Variants in ZNF804B observed in about 807,000 individuals in gnomAD.
ZNF804B encodes the protein zinc finger protein 804B, also known as zinc finger 804B.
In ZNF804B, 80 loss-of-function variants were observed where a neutral mutation model predicts 101.4. That is an observed-to-expected ratio of 0.79 (90% CI 0.66 to 0.95). The LOEUF (loss-of-function observed/expected upper bound fraction) is 0.95. Among genes scored for constraint, ZNF804B ranks in the 40% least tolerant of loss-of-function variants. The probability of loss-of-function intolerance (pLI) is 0.00; values close to 1 mark genes in which losing one functional copy is unlikely to be tolerated. For synonymous variants in ZNF804B, 622 were observed against 558.8 expected, an observed-to-expected ratio of 1.11 and a Z score of -1.59; for missense variants, 1,673 against 1,561.9, an observed-to-expected ratio of 1.07 and a Z score of -1.20.
At chr7:88,910,269 A>G (rs1019642222) in intron 1 of ZNF804B, among the ~76,000 whole-genome samples, 3 of 151,940 alleles carry the variant, frequency 2.0e-5, no homozygotes, top group Non-Finnish European at 4.4e-5. Context: ...TGTTTCTGAG[A>G]GTAATTTCAG....
intron 1 of ZNF804B, among the ~76,000 whole-genome samples, chr7:88,981,679 T>C (rs1209904478): frequency 2.0e-5 from 3 of 152,010 alleles, no homozygotes; most frequent in Admixed American, 6.6e-5. Context: ...GGGTGGATGA[T>C]TCCCCTCTGG....
intron 1 of ZNF804B, among the ~76,000 whole-genome samples, chr7:88,919,450 G>A (rs867726894): frequency 6.6e-6 from 1 of 152,022 alleles, no homozygotes; most frequent in Non-Finnish European, 1.5e-5. Context: ...ACATTGAGAG[G>A]GACAGTCTTT....
chr7:89,279,289 G>A (rs537203420), intron 2 of ZNF804B, among the ~76,000 whole-genome samples: 8 of 152,054 alleles, frequency 5.3e-5, no homozygotes, highest in East Asian at 1.9e-4. Flanking sequence ...CAATCATGTT[G>A]TCTGCAAACA....
chr7:89,112,720 T>A (rs1023557020), intron 1 of ZNF804B, among the ~76,000 whole-genome samples: 14 of 139,708 alleles, frequency 1.0e-4, no homozygotes, highest in Admixed American at 9.8e-4. Context: ...AGAATTGACA[T>A]CTTAATAATA....
rs150451306 is a variant in ZNF804B at position 89,305,526 on chromosome 7, TTTG to T, written c.250-21800_250-21798del. Among the ~76,000 whole-genome samples, 1,150 of 151,890 alleles carry T rather than the reference TTTG, an allele frequency of 7.6e-3. 9 individuals are homozygous for T. The highest frequency in any genetic ancestry group is 0.026 in the African/African-American group (1,082 of 41,508). ...AATTAGGTGTTCTTCCTCAACATAG[TTTG>T]TTGTTGTTGTTGTTGTTTGTAGCAT... is the stretch of plus-strand genomic sequence containing the variant. On this transcript the variant is annotated intron_variant, in intron 2 of 3. Coordinates refer to ENST00000333190, the MANE Select transcript of ZNF804B (RefSeq NM_181646.5).
intron 1 of ZNF804B, among the ~76,000 whole-genome samples, chr7:89,126,789 T>G (rs555845998): frequency 6.6e-6 from 1 of 151,904 alleles, no homozygotes; most frequent in South Asian, 2.1e-4. Flanking sequence ...AATTATACAC[T>G]GTGTGATCCA....
At chr7:89,239,507 A>G (rs895307054) in intron 2 of ZNF804B, among the ~76,000 whole-genome samples, 4 of 152,158 alleles carry the variant, frequency 2.6e-5, no homozygotes, top group Admixed American at 6.6e-5. Context: ...CCAGCTATTT[A>G]GAATACCTTA....
Position 89,336,196 on chromosome 7 carries a change from G to T in ZNF804B, c.3214G>T (p.Glu1072Ter). 6.2e-7 allele frequency: 1 copy of T among 1,613,854 alleles called. No homozygotes were observed. Among genetic ancestry groups the T allele is most frequent in the South Asian group, 1.1e-5 (1 of 91,070 alleles). The part of the protein sequence containing the change: ...FIQSCDPVPN[E>*]FPGAFPSNKY... ...TCAAAGCTGTGACCCAGTACCAAAT[G>T]AATTCCCTGGTGCTTTTCCGTCTAA... The change falls in exon 4 of 4, where the codon GAA becomes TAA. Residue 1072 changes from glutamate to a stop codon, truncating the protein, a stop_gained. Transcript: ENST00000333190. LOFTEE classifies it high-confidence loss of function.
chr7:88,778,521 T>G (rs1213853412), intron 1 of ZNF804B, among the ~76,000 whole-genome samples: 1 of 152,232 alleles, frequency 6.6e-6, no homozygotes, highest in Non-Finnish European at 1.5e-5. Context: ...GCTATTGTTT[T>G]CCTTAGAAAT....
At chr7:89,171,282 G>GCTTCTTCTT (rs1491140157) in intron 1 of ZNF804B, among the ~76,000 whole-genome samples, 13 of 95,558 alleles carry the variant, frequency 1.4e-4, no homozygotes, top group African/African-American at 4.1e-4. Flanking sequence ...AAATAATGCT[G>GCTTCTTCTT]CTGCTGCTTC....
intron 1 of ZNF804B, among the ~76,000 whole-genome samples, chr7:89,207,187 C>A (rs1788726632): frequency 6.6e-6 from 1 of 152,162 alleles, no homozygotes; most frequent in African/African-American, 2.4e-5. Context: ...ACAGCAGCAC[C>A]CCACTCTACT....
chr7:88,982,710 G>A (rs555529906), intron 1 of ZNF804B, among the ~76,000 whole-genome samples: 10 of 152,062 alleles, frequency 6.6e-5, no homozygotes, highest in Non-Finnish European at 1.3e-4. Flanking sequence ...CTGAGGTACT[G>A]AGGATTAAGA....
intron 1 of ZNF804B, among the ~76,000 whole-genome samples, chr7:88,907,126 C>T (rs1395602662): frequency 1.3e-5 from 2 of 151,864 alleles, no homozygotes; most frequent in Non-Finnish European, 2.9e-5. Flanking sequence ...TGGTTTTACC[C>T]ATATATTTCA....
chr7:88,962,515 G>A (rs928112992), intron 1 of ZNF804B, among the ~76,000 whole-genome samples: 1 of 150,588 alleles, frequency 6.6e-6, no homozygotes, highest in Non-Finnish European at 1.5e-5. Context: ...AGGTGGCTGC[G>A]AATCGATAAT....
At chr7:89,228,918 G>C (rs1228367105) in intron 2 of ZNF804B, among the ~76,000 whole-genome samples, 14 of 152,196 alleles carry the variant, frequency 9.2e-5, no homozygotes, top group Non-Finnish European at 1.6e-4. Flanking sequence ...CTGCCCCGCG[G>C]GAAGGCAGCT....
chr7:89,292,869 C>G (rs12056274), intron 2 of ZNF804B, among the ~76,000 whole-genome samples: 1 of 151,686 alleles, frequency 6.6e-6, no homozygotes, highest in East Asian at 1.9e-4. Flanking sequence ...GAAATAGCAT[C>G]AAAAAACCTA....
intron 1 of ZNF804B, among the ~76,000 whole-genome samples, chr7:88,819,188 A>G (rs1345784200): frequency 6.6e-6 from 1 of 152,056 alleles, no homozygotes; most frequent in Non-Finnish European, 1.5e-5. Flanking sequence ...CAGTGGCGCG[A>G]TCGTGGCTCA....
At chr7:89,066,612 CTT>C (rs1169491139) in intron 1 of ZNF804B, among the ~76,000 whole-genome samples, 10 of 152,030 alleles carry the variant, frequency 6.6e-5, no homozygotes, top group Non-Finnish European at 5.9e-5. Flanking sequence ...AAAAAATTGT[CTT>C]TATATAAAAT....
At chr7:89,149,985 C>A (rs184784395) in intron 1 of ZNF804B, among the ~76,000 whole-genome samples, 6 of 152,126 alleles carry the variant, frequency 3.9e-5, no homozygotes, top group East Asian at 1.9e-4. Context: ...AGTCTACCCC[C>A]ACTATCCATG....
Sources: gnomAD v4.1 joint callset for allele counts (sites outside exome capture counted in the v4.1 genomes callset) on GRCh38, gnomAD v4.1.1 for gene constraint, MANE v1.5 for transcripts, NCBI Gene and HGNC (gene_info 2026-07-23, HGNC 2026-07-21) for gene names.